Variants in PTPRF observed in about 807,000 individuals in gnomAD.
The protein encoded by PTPRF is protein tyrosine phosphatase receptor type F, also known as receptor-type tyrosine-protein phosphatase F.
PTPRF carries 59 observed loss-of-function variants against 201.8 expected under a neutral mutation model. That is an observed-to-expected ratio of 0.29 (90% CI 0.24 to 0.36). PTPRF has a LOEUF of 0.36. Ranked by LOEUF, PTPRF falls within the 10% of genes least tolerant of loss-of-function variation. The pLI, the probability that PTPRF is intolerant of heterozygous loss-of-function variation, is 1.00. For synonymous variants in PTPRF, 1,088 were observed against 1,089.7 expected (o/e 1.00, Z 0.03); for missense variants, 2,132 against 2,690.5 (o/e 0.79, Z 4.59).
Position 43,612,719 on chromosome 1 carries a change from T to C in PTPRF, c.3974-899T>C, listed in dbSNP as rs749650282. 3 of 1,342,746 alleles carry C rather than the reference T, an allele frequency of 2.2e-6. No homozygotes were observed. The South Asian group carries it at 3.5e-5, about 16-fold the overall frequency. The allele number at this position is 1,342,746 out of a possible 1,614,324, so 83.2% of individuals were successfully genotyped here. On this transcript the variant is annotated intron_variant, in intron 22 of 33. Transcript: ENST00000359947. ...CAGAAAAAGTTAACGGGCTTTCTTT[T>C]CTTGCCCCGTTGTTTTTTTCGTTTG...
At chr1:43,587,372 A>T (rs1649422756) in intron 7 of PTPRF, among the ~76,000 whole-genome samples, 1 of 152,176 alleles carries the variant, frequency 6.6e-6, no homozygotes, top group Non-Finnish European at 1.5e-5. Context: ...GCCTGTGTGT[A>T]TGGAGAGAAA....
intron 1 of PTPRF, among the ~76,000 whole-genome samples, chr1:43,531,776 G>T (rs1050064770): frequency 3.3e-5 from 5 of 152,098 alleles, no homozygotes; most frequent in African/African-American, 7.2e-5. Context: ...GACCTGTCCC[G>T]TGAGGACGTG....
At chr1:43,533,124 T>C (rs1200646303) in intron 1 of PTPRF, among the ~76,000 whole-genome samples, 2 of 152,220 alleles carry the variant, frequency 1.3e-5, no homozygotes, top group Non-Finnish European at 2.9e-5. Flanking sequence ...TTCCAGCTGC[T>C]CTTCCTCTTC....
rs1318237684 is a variant in PTPRF, at chr1:43,588,060, C to T, written c.680-671C>T. 3.3e-5 allele frequency among the ~76,000 whole-genome samples: 5 copies of T among 152,214 alleles called. No homozygotes were observed. The highest frequency in any genetic ancestry group is 7.3e-5 in the Non-Finnish European group (5 of 68,032). On this transcript the variant is annotated intron_variant, in intron 7 of 33. Transcript: ENST00000359947. This position sits in a 1 kb window ranked among gnomAD's most constrained non-coding sequence, Gnocchi z 5.3. ...CGTCATGCCCATCCTGCCCGCAGAC[C>T]ATGTCCCTGGCCTGCCCTGACCCCT... is the stretch of plus-strand genomic sequence containing the variant.
chr1:43,556,862 G>A (rs1483404331), intron 5 of PTPRF, among the ~76,000 whole-genome samples: 1 of 152,224 alleles, frequency 6.6e-6, no homozygotes, highest in African/African-American at 2.4e-5. Flanking sequence ...CCTCCGTGCT[G>A]CGTGGCATCA....
In PTPRF at chr1:43,618,897, T is replaced by C. The variant is rs1442878784; in HGVS notation, c.4491+148T>C. On this transcript the variant is annotated intron_variant, in intron 26 of 33. Transcript: ENST00000359947. ...GTGAGTGATGTGATGATCCATGTTA[T>C]GGGAACAGTGCTAGGAGCTTCAGGC... The C allele has an allele frequency of 2.6e-5, 37 of 1,437,768 alleles. No homozygotes were observed. The South Asian group carries it at 4.4e-4, about 17-fold the overall frequency. The allele number at this position is 1,437,768 out of a possible 1,614,324, so 89.1% of individuals were successfully genotyped here. A position where few individuals can be genotyped will look rare whatever the true frequency, so the allele number is the denominator to read the frequency against.
intron 6 of PTPRF, among the ~76,000 whole-genome samples, chr1:43,576,618 C>T (rs1450194304): frequency 6.6e-6 from 1 of 152,248 alleles, no homozygotes; most frequent in Non-Finnish European, 1.5e-5. Context: ...AGGTTCAAAT[C>T]TGACTTACCA....
intron 7 of PTPRF, 130 bp downstream of exon 7, chr1:43,579,050 T>G (rs760288672): frequency 1.2e-6 from 1 of 849,918 alleles, no homozygotes; most frequent in South Asian, 1.4e-5. Context: ...TCCTTCCTGC[T>G]TCTTTCTGCA....
intron 5 of PTPRF, among the ~76,000 whole-genome samples, chr1:43,555,267 A>G (rs955065073): frequency 6.6e-6 from 1 of 152,080 alleles, no homozygotes; most frequent in Non-Finnish European, 1.5e-5. Context: ...ACCTCTAGTA[A>G]TAACATTTGG....
intron 11 of PTPRF, among the ~76,000 whole-genome samples, chr1:43,593,244 G>A (rs1016797792): frequency 6.6e-6 from 1 of 152,332 alleles, no homozygotes; most frequent in African/African-American, 2.4e-5. Context: ...TGCAGCTGTG[G>A]GAGTGGCACT....
intron 5 of PTPRF, among the ~76,000 whole-genome samples, chr1:43,558,398 C>A (rs187807947): frequency 1.2e-4 from 18 of 152,148 alleles, no homozygotes; most frequent in African/African-American, 4.1e-4. Context: ...AGTGCCCCCC[C>A]AAATCCCCCA....
chr1:43,591,848 A>T lies in PTPRF; in HGVS notation c.1568A>T (p.Glu523Val). Residue 523 changes from glutamate (E) to valine (V), a missense_variant, in exon 10 of 34, where the codon GAG becomes GTG. Physicochemically the swap from Glu to Val is moderately radical, Grantham distance 121. This residue lies in a region of PTPRF where 351 missense variants were observed against 401.7 expected (regional missense o/e 0.87). Transcript: ENST00000359947. ...AQPADFQAEV[E>V]SDTRIQLSWL... ...CCCGCGGACTTCCAGGCCGAGGTGG[A>T]GTCGGACACCAGGATCCAGCTCTCG... The T allele has an allele frequency of 3.7e-6, 6 of 1,613,402 alleles. No homozygotes were observed. The highest frequency in any genetic ancestry group is 5.1e-6 in the Non-Finnish European group (6 of 1,180,012).
Position 43,553,994 on chromosome 1 carries a change from G to A in PTPRF, c.379+53G>A. On this transcript the variant is annotated intron_variant, in intron 5 of 33. Coordinates refer to ENST00000359947, the MANE Select transcript of PTPRF (RefSeq NM_002840.5). This position sits in a 1 kb window ranked among gnomAD's most constrained non-coding sequence, Gnocchi z 4.1. ...GGGCTGCCGGGCTGAGGCGTGGGAA[G>A]AGCCAGCCAGCCCTGATCCTGTCCT... 6 of 1,602,196 alleles carry A rather than the reference G, an allele frequency of 3.7e-6. No homozygotes were observed. The South Asian group carries it at 4.5e-5, about 12-fold the overall frequency.
At chr1:43,550,218 G>T (rs1376686585) in intron 3 of PTPRF, among the ~76,000 whole-genome samples, 1 of 152,196 alleles carries the variant, frequency 6.6e-6, no homozygotes, top group Non-Finnish European at 1.5e-5. Flanking sequence ...CTGCCTCCTC[G>T]ATAGCCCCAG....
chr1:43,548,871 T>C (rs1644846642), intron 3 of PTPRF, among the ~76,000 whole-genome samples: 2 of 152,316 alleles, frequency 1.3e-5, no homozygotes, highest in East Asian at 1.9e-4. Flanking sequence ...AGGCACAAAA[T>C]AGCAGTCAGT....
chr1:43,536,548 C>T (rs549675964), intron 1 of PTPRF, among the ~76,000 whole-genome samples: 1 of 152,190 alleles, frequency 6.6e-6, no homozygotes, highest in African/African-American at 2.4e-5. Flanking sequence ...TTCCCATTAC[C>T]CAGTTCCCTG....
chr1:43,608,610 A>T (rs1655712709), intron 21 of PTPRF, among the ~76,000 whole-genome samples: 1 of 152,198 alleles, frequency 6.6e-6, no homozygotes, highest in Non-Finnish European at 1.5e-5. Context: ...CCCTGAGCGT[A>T]CAGAGCTCAC....
At chr1:43,568,843 T>G (rs922512812) in intron 5 of PTPRF, among the ~76,000 whole-genome samples, 3 of 151,056 alleles carry the variant, frequency 2.0e-5, no homozygotes, top group Non-Finnish European at 4.4e-5. Context: ...CAGGAGGGAG[T>G]TTTTTCTCCC....
rs867221256 is a variant in PTPRF at position 43,554,747 on chromosome 1, G to T, written c.379+806G>T. On this transcript the variant is annotated intron_variant, in intron 5 of 33. Transcript: ENST00000359947. The surrounding 1 kb of genome is among the most constrained non-coding windows in gnomAD (Gnocchi z 4.1). ...ATAGGAAGCCACAAACAAGGCGGGG[G>T]TGACATGATCAGACCCCAGCCACAA... Among the ~76,000 whole-genome samples the T allele has an allele frequency of 3.9e-5, 6 of 152,220 alleles. No homozygotes were observed. The highest frequency in any genetic ancestry group is 3.4e-3 in the Middle Eastern group (1 of 294).
Sources: allele counts gnomAD v4.1 joint callset (sites outside exome capture counted in the v4.1 genomes callset), GRCh38; gene constraint gnomAD v4.1.1; regional missense constraint gnomAD v4.1.1; non-coding constraint Gnocchi (gnomAD v3.1); transcripts MANE v1.5; gene names NCBI Gene and HGNC (gene_info 2026-07-23, HGNC 2026-07-21).